MAN1C1: variants seen among roughly 807,000 people sequenced by gnomAD.
The protein encoded by MAN1C1 is mannosidase alpha class 1C member 1.
Under a neutral mutation model 71.5 loss-of-function variants are expected in MAN1C1, and 49 were observed. The observed-to-expected ratio is 0.69, with a 90% confidence interval of 0.54 to 0.87. MAN1C1 has a LOEUF of 0.87. Ranked by LOEUF, MAN1C1 falls within the 40% of genes least tolerant of loss-of-function variation. The probability of loss-of-function intolerance (pLI) is 0.00; values close to 1 mark genes in which losing one functional copy is unlikely to be tolerated. For missense variants in MAN1C1, 743 were observed against 835.0 expected (o/e 0.89, Z 1.36); for synonymous variants, 352 against 343.7 (o/e 1.02, Z -0.27).
intron 2 of MAN1C1, among the ~76,000 whole-genome samples, chr1:25,721,635 G>T (rs1305524152): frequency 6.6e-6 from 1 of 152,160 alleles, no homozygotes; most frequent in Non-Finnish European, 1.5e-5. Context: ...CAACCTTGCT[G>T]AACTCATTCA....
intron 7 of MAN1C1, among the ~76,000 whole-genome samples, chr1:25,770,514 G>A (rs898285290): frequency 6.6e-6 from 1 of 152,206 alleles, no homozygotes; most frequent in Non-Finnish European, 1.5e-5. Context: ...TGGAAGGTGA[G>A]GCTCTGCCTT....
At chr1:25,675,890 G>GTCAC (rs1173647666) in intron 1 of MAN1C1, among the ~76,000 whole-genome samples, 1 of 152,194 alleles carries the variant, frequency 6.6e-6, no homozygotes, top group Non-Finnish European at 1.5e-5. Flanking sequence ...CAGGGGTTAA[G>GTCAC]TCACTCACTC....
chr1:25,700,934 C>T (rs2046433608), intron 2 of MAN1C1, among the ~76,000 whole-genome samples: 1 of 152,228 alleles, frequency 6.6e-6, no homozygotes, highest in African/African-American at 2.4e-5. Context: ...AGCCAGGCAC[C>T]CCCCAGATGG....
intron 1 of MAN1C1, among the ~76,000 whole-genome samples, chr1:25,661,964 G>A (rs554418335): frequency 3.2e-4 from 48 of 152,172 alleles, no homozygotes; most frequent in Non-Finnish European, 6.5e-4. Flanking sequence ...TTTTAACTTG[G>A]GGGCAATTTA....
chr1:25,664,806 C>T (rs1489424490), intron 1 of MAN1C1, among the ~76,000 whole-genome samples: 1 of 152,228 alleles, frequency 6.6e-6, no homozygotes, highest in Non-Finnish European at 1.5e-5. Context: ...ACTCAAGGCA[C>T]TCATATAAGG....
intron 2 of MAN1C1, among the ~76,000 whole-genome samples, chr1:25,721,315 C>T (rs778428834): frequency 9.9e-5 from 15 of 151,952 alleles, no homozygotes; most frequent in Non-Finnish European, 1.3e-4. Flanking sequence ...TCAACTTCTG[C>T]GAAAAAGCCA....
intron 1 of MAN1C1, 66 bp downstream of exon 1, chr1:25,618,403 G>C: frequency 8.9e-6 from 13 of 1,463,360 alleles, no homozygotes; most frequent in Non-Finnish European, 1.2e-5. Flanking sequence ...ACCCTCTGGC[G>C]CTCCCACCCC....
intron 2 of MAN1C1, among the ~76,000 whole-genome samples, chr1:25,714,163 G>A (rs573696383): frequency 2.0e-5 from 3 of 152,278 alleles, no homozygotes; most frequent in African/African-American, 7.2e-5. Context: ...TGAGGACTGC[G>A]ATTCATTTGT....
Position 25,700,044 on chromosome 1 carries a change from C to T in MAN1C1, c.637+13508C>T, listed in dbSNP as rs868552755. Reference sequence around the variant, plus strand: ...ACAAAGAGCCCCGGAAGTATGTTGTCAGCACAATTTGGTGCTAATACTCAA... The same window carrying T: ...ACAAAGAGCCCCGGAAGTATGTTGTTAGCACAATTTGGTGCTAATACTCAA... On this transcript the variant is annotated intron_variant, in intron 2 of 11. Coordinates refer to ENST00000374332, the MANE Select transcript of MAN1C1 (RefSeq NM_020379.4). 7.2e-5 allele frequency among the ~76,000 whole-genome samples: 11 copies of T among 152,230 alleles called. No homozygotes were observed. The South Asian group carries it at 1.7e-3, about 23-fold the overall frequency.
chr1:25,626,126 A>G (rs1442148970), intron 1 of MAN1C1, among the ~76,000 whole-genome samples: 1 of 152,216 alleles, frequency 6.6e-6, no homozygotes, highest in East Asian at 1.9e-4. Context: ...TTACTGGCCC[A>G]TAGAGCAGAT....
chr1:25,702,171 G>A (rs1008098051), intron 2 of MAN1C1, among the ~76,000 whole-genome samples: 1 of 152,132 alleles, frequency 6.6e-6, no homozygotes, highest in Non-Finnish European at 1.5e-5. Context: ...GACGATCGCC[G>A]GCCTAAGAGG....
Position 25,618,025 on chromosome 1 carries a change from C to G in MAN1C1, c.228C>G (p.Arg76=), listed in dbSNP as rs778066641. 25 of 1,595,468 alleles carry G rather than the reference C, an allele frequency of 1.6e-5. No individual in the cohort carries two copies. In the South Asian group the frequency reaches 2.7e-4, roughly 17 times the overall value. ...AAATCGCCGGCCATGCCCCGGCCCG[C>G]GAGCAGGAGCCGCCTCCCAACCCGG... ...VAEIAGHAPA[R]EQEPPPNPAP... Residue 76 remains arginine (R), a synonymous_variant, in exon 1 of 12, where the codon CGC becomes CGG. Transcript: ENST00000374332.
intron 1 of MAN1C1, among the ~76,000 whole-genome samples, chr1:25,674,450 C>T (rs1470367165): frequency 2.6e-5 from 4 of 152,184 alleles, no homozygotes; most frequent in Admixed American, 6.5e-5. Context: ...GTGGAGCCTG[C>T]ATAATCATGC....
intron 1 of MAN1C1, among the ~76,000 whole-genome samples, chr1:25,666,304 C>G (rs2045923837): frequency 6.6e-6 from 1 of 152,182 alleles, no homozygotes; most frequent in Admixed American, 6.5e-5. Flanking sequence ...TCATCCCCAA[C>G]CCCATTTTTC....
At chr1:25,714,061 G>A (rs1557776341) in intron 2 of MAN1C1, among the ~76,000 whole-genome samples, 1 of 152,244 alleles carries the variant, frequency 6.6e-6, no homozygotes, top group East Asian at 1.9e-4. Flanking sequence ...GCGTAGCAGA[G>A]AGTCAGTTCA....
chr1:25,673,524 A>C (rs2046022860), intron 1 of MAN1C1, among the ~76,000 whole-genome samples: 1 of 152,240 alleles, frequency 6.6e-6, no homozygotes, highest in Non-Finnish European at 1.5e-5. Flanking sequence ...TATGTAAAGC[A>C]CTGATGACTC....
rs375956562 is a variant in MAN1C1 at position 25,699,883 on chromosome 1, G to T, written c.637+13347G>T. Among the ~76,000 whole-genome samples the T allele has an allele frequency of 2.9e-4, 44 of 152,252 alleles. 1 individual carries two copies. Among genetic ancestry groups the T allele is most frequent in the African/African-American group, 1.1e-3 (44 of 41,544 alleles). Reference sequence around the variant, plus strand: ...AGGGCTTCACTTCCCGCTGCCACTCGGGGCCTCTGAGGCAGGCAGATCTGT... The same window carrying T: ...AGGGCTTCACTTCCCGCTGCCACTCTGGGCCTCTGAGGCAGGCAGATCTGT... On this transcript the variant is annotated intron_variant, in intron 2 of 11. Coordinates refer to ENST00000374332, the MANE Select transcript of MAN1C1 (RefSeq NM_020379.4).
chr1:25,737,114 G>A (rs1406469629), intron 2 of MAN1C1, among the ~76,000 whole-genome samples: 1 of 152,210 alleles, frequency 6.6e-6, no homozygotes, highest in Non-Finnish European at 1.5e-5. Flanking sequence ...ACGGTCAGAG[G>A]GAGTTTTTAA....
Position 25,753,401 on chromosome 1 carries a change from T to G in MAN1C1, c.835-83T>G. On this transcript the variant is annotated intron_variant, in intron 4 of 11. Transcript: ENST00000374332. This position sits in a 1 kb window ranked among gnomAD's most constrained non-coding sequence, Gnocchi z 4.9. ...ACTCTAGACCTGCAGCCCTGGGGGG[T>G]TCATCCTGCCTGCAGCAGTTCTGGG... 1 of 1,022,778 alleles carries G rather than the reference T, an allele frequency of 9.8e-7. No homozygotes were observed. The highest frequency in any genetic ancestry group is 2.4e-5 in the Admixed American group (1 of 41,474). 63.4% of individuals were successfully genotyped at this position (1,022,778 alleles called of 1,614,324 possible). A position where few individuals can be genotyped will look rare whatever the true frequency, so the allele number is the denominator to read the frequency against.
Sources: allele counts gnomAD v4.1 joint callset (sites outside exome capture counted in the v4.1 genomes callset), GRCh38; gene constraint gnomAD v4.1.1; non-coding constraint Gnocchi (gnomAD v3.1); transcripts MANE v1.5; gene names NCBI Gene and HGNC (gene_info 2026-07-23, HGNC 2026-07-21).